The following ZNF385D variants were observed in gnomAD, a reference collection of about 807,000 sequenced individuals.
ZNF385D encodes the protein zinc finger protein 659.
Under a neutral mutation model 35.8 loss-of-function variants are expected in ZNF385D, and 15 were observed. That is an observed-to-expected ratio of 0.42 (90% CI 0.28 to 0.64). ZNF385D has a LOEUF of 0.64. Ranked by LOEUF, ZNF385D falls within the 30% of genes least tolerant of loss-of-function variation. The probability of loss-of-function intolerance (pLI) is 0.23; values close to 1 mark genes in which losing one functional copy is unlikely to be tolerated. For synonymous variants in ZNF385D, 212 were observed against 186.8 expected (o/e 1.13, Z -1.10); for missense variants, 474 against 494.6 (o/e 0.96, Z 0.39).
chr3:22,182,135 T>C (rs1695322838), intron 2 of ZNF385D, among the ~76,000 whole-genome samples: 1 of 152,178 alleles, frequency 6.6e-6, no homozygotes, highest in Middle Eastern at 3.2e-3. Context: ...AGCTAATAAA[T>C]GTGTGTTGTC....
intron 3 of ZNF385D, among the ~76,000 whole-genome samples, chr3:21,830,591 T>G (rs1694927665): frequency 6.6e-6 from 1 of 152,220 alleles, no homozygotes; most frequent in Admixed American, 6.5e-5. Context: ...TTTTCTTTCC[T>G]TCTTTCCTTC....
At chr3:21,880,221 C>T (rs775630541) in intron 3 of ZNF385D, among the ~76,000 whole-genome samples, 5 of 151,838 alleles carry the variant, frequency 3.3e-5, no homozygotes, top group African/African-American at 4.8e-5. Context: ...ATGAGCACTG[C>T]GTTAGAAACA....
At chr3:22,115,202 C>T (rs1702745443) in intron 3 of ZNF385D, among the ~76,000 whole-genome samples, 1 of 151,990 alleles carries the variant, frequency 6.6e-6, no homozygotes, top group African/African-American at 2.4e-5. Flanking sequence ...AAACTGATCA[C>T]CGAGCAGATT....
At chr3:21,596,889 G>A (rs2064143569) in intron 2 of ZNF385D, among the ~76,000 whole-genome samples, 1 of 152,054 alleles carries the variant, frequency 6.6e-6, no homozygotes, top group Admixed American at 6.6e-5. Context: ...ATGGTGGAGA[G>A]GAAAGGAGGT....
chr3:22,079,799 G>C (rs1231455542), intron 3 of ZNF385D, among the ~76,000 whole-genome samples: 1 of 151,748 alleles, frequency 6.6e-6, no homozygotes, highest in African/African-American at 2.4e-5. Context: ...AAAGACCTTG[G>C]ACATACGGGT....
chr3:22,025,934 G>A (rs1180382807), intron 3 of ZNF385D, among the ~76,000 whole-genome samples: 2 of 152,128 alleles, frequency 1.3e-5, no homozygotes, highest in African/African-American at 2.4e-5. Context: ...ATGAATAATT[G>A]GATCTCAAGG....
chr3:22,335,161 T>TA (rs1244398279), intron 2 of ZNF385D, among the ~76,000 whole-genome samples: 1 of 152,166 alleles, frequency 6.6e-6, no homozygotes, highest in Admixed American at 6.5e-5. Flanking sequence ...ATCTATGTGT[T>TA]AGGCCTTGAT....
intron 4 of ZNF385D, among the ~76,000 whole-genome samples, chr3:21,471,299 AC>A (rs1703883180): frequency 3.2e-5 from 1 of 31,250 alleles, no homozygotes; most frequent in African/African-American, 1.2e-4. Context: ...TCTCTCTCAC[AC>A]ACACACACAC....
At chr3:22,041,387 A>C (rs1698654428) in intron 3 of ZNF385D, among the ~76,000 whole-genome samples, 1 of 152,182 alleles carries the variant, frequency 6.6e-6, no homozygotes, top group African/African-American at 2.4e-5. Context: ...TGCAAGTTGG[A>C]GAACTGGGGT....
intron 2 of ZNF385D, among the ~76,000 whole-genome samples, chr3:22,215,069 G>C (rs1330310235): frequency 1.3e-5 from 2 of 151,852 alleles, no homozygotes; most frequent in African/African-American, 4.8e-5. Flanking sequence ...TTATTTCTCA[G>C]ACCGGCTGAC....
At chr3:21,982,520 T>G (rs977027238) in intron 3 of ZNF385D, among the ~76,000 whole-genome samples, 1 of 152,116 alleles carries the variant, frequency 6.6e-6, no homozygotes, top group Non-Finnish European at 1.5e-5. Flanking sequence ...ATAATCATGT[T>G]GTCTGCAAAC....
chr3:22,099,033 T>C (rs1362772687), intron 3 of ZNF385D, among the ~76,000 whole-genome samples: 2 of 152,000 alleles, frequency 1.3e-5, no homozygotes, highest in Non-Finnish European at 2.9e-5. Flanking sequence ...ATTTCTGTAA[T>C]GAGGAAAAAT....
chr3:22,274,799 T>TA (rs1389200250), intron 2 of ZNF385D, among the ~76,000 whole-genome samples: 2 of 142,692 alleles, frequency 1.4e-5, no homozygotes, highest in Non-Finnish European at 3.0e-5. Flanking sequence ...TTTTTTTTTT[T>TA]AAAAGTCTTC....
chr3:22,191,695 AGTACTT>A lies in ZNF385D; in HGVS notation c.107-22666_107-22661del, dbSNP rs199784168. On this transcript the variant is annotated intron_variant, in intron 2 of 5. Transcript: ENST00000494108. ...ATTAAGAGACACTAACACAATGTGT[AGTACTT>A]GTACTTGTAAAACAGTAATTAATGA... is the stretch of plus-strand genomic sequence containing the variant. 9.5e-3 allele frequency among the ~76,000 whole-genome samples: 1,452 copies of A among 152,286 alleles called. 12 individuals are homozygous for A. Among genetic ancestry groups the A allele is most frequent in the East Asian group, 0.016 (84 of 5,184 alleles).
chr3:21,776,098 CAA>C (rs901579104), intron 3 of ZNF385D, among the ~76,000 whole-genome samples: 28 of 151,500 alleles, frequency 1.8e-4, no homozygotes, highest in Non-Finnish European at 3.8e-4. Context: ...TAAAATTATG[CAA>C]AATATGTTAA....
At chr3:21,924,338 T>C (rs1700619989) in intron 3 of ZNF385D, among the ~76,000 whole-genome samples, 1 of 152,194 alleles carries the variant, frequency 6.6e-6, no homozygotes, top group Non-Finnish European at 1.5e-5. Context: ...TTTTTTGTCA[T>C]TTCTCCCAGA....
At chr3:21,777,523 T>C (rs1433767420) in intron 3 of ZNF385D, 1 of 152,042 alleles carries the variant, frequency 6.6e-6, no homozygotes, top group Non-Finnish European at 1.5e-5. Flanking sequence ...GCTTTCAACA[T>C]GATCAGACAG....
intron 2 of ZNF385D, among the ~76,000 whole-genome samples, chr3:21,657,215 G>A (rs1335633106): frequency 6.6e-6 from 1 of 151,940 alleles, no homozygotes; most frequent in Non-Finnish European, 1.5e-5. Flanking sequence ...TGCAGGGGAA[G>A]AGCAGTCAGG....
intron 2 of ZNF385D, among the ~76,000 whole-genome samples, chr3:22,183,996 T>C (rs56277635): frequency 0.13 from 19,051 of 152,208 alleles, 1,576 homozygotes; most frequent in Middle Eastern, 0.24. Flanking sequence ...TTTCACTTTG[T>C]CAGTATGTGA....
Sources: allele counts gnomAD v4.1 joint callset (sites outside exome capture counted in the v4.1 genomes callset), GRCh38; gene constraint gnomAD v4.1.1; transcripts MANE v1.5; gene names NCBI Gene and HGNC (gene_info 2026-07-23, HGNC 2026-07-21).